The following P3H2 variants were observed in gnomAD, a reference collection of about 807,000 sequenced individuals.
The protein encoded by P3H2 is leprecan-like 1.
P3H2 carries 80 observed loss-of-function variants against 87.0 expected under a neutral mutation model. The ratio of observed to expected loss-of-function variants is 0.92; its 90% CI spans 0.77 to 1.11. The LOEUF (loss-of-function observed/expected upper bound fraction) is 1.11. Among genes scored for constraint, P3H2 ranks in the 50% least tolerant of loss-of-function variants. The pLI is 0.00. For synonymous variants in P3H2, 367 were observed against 359.3 expected (o/e 1.02, Z -0.24); for missense variants, 1,001 against 923.9 (o/e 1.08, Z -1.08).
intron 1 of P3H2, among the ~76,000 whole-genome samples, chr3:190,114,067 G>C (rs1314172964): frequency 9.9e-6 from 1 of 101,434 alleles, no homozygotes; most frequent in Non-Finnish European, 1.9e-5. Flanking sequence ...GCGACAGAGT[G>C]AGACTCCGTC....
chr3:190,069,167 C>T (rs1726615353), intron 1 of P3H2, among the ~76,000 whole-genome samples: 1 of 152,140 alleles, frequency 6.6e-6, no homozygotes, highest in African/African-American at 2.4e-5. Flanking sequence ...TATCTATAGG[C>T]TCAGCTCCAG....
chr3:190,016,436 G>A (rs1289825640), intron 1 of P3H2, among the ~76,000 whole-genome samples: 3 of 151,942 alleles, frequency 2.0e-5, no homozygotes, highest in Non-Finnish European at 2.9e-5. Context: ...GTAGAGACAG[G>A]GTTTCACCAC....
rs116708729 is a variant in P3H2, at chr3:190,052,305, T to G, written c.481-56863A>C. On this transcript the variant is annotated intron_variant, in intron 1 of 14. Transcript: ENST00000319332. ...CCCTCCCTGGGTCCATATGTTCTAATTTTTCAGCTCCCACTTATGAGTGAG... is the reference window on the plus strand; with the variant it reads ...CCCTCCCTGGGTCCATATGTTCTAAGTTTTCAGCTCCCACTTATGAGTGAG... Among the ~76,000 whole-genome samples the G allele has an allele frequency of 2.7e-3, 417 of 152,234 alleles. 3 individuals are homozygous for G. The highest frequency in any genetic ancestry group is 9.6e-3 in the African/African-American group (399 of 41,542).
At chr3:190,044,445 G>A (rs564782737) in intron 1 of P3H2, among the ~76,000 whole-genome samples, 1 of 152,198 alleles carries the variant, frequency 6.6e-6, no homozygotes. Flanking sequence ...TCGCTAGAAT[G>A]CAGTGCACAC....
At chr3:190,038,135 T>G (rs1725480724) in intron 1 of P3H2, among the ~76,000 whole-genome samples, 1 of 151,172 alleles carries the variant, frequency 6.6e-6, no homozygotes, top group East Asian at 1.9e-4. Context: ...TTTCACAAAA[T>G]GCTTATCTAC....
At chr3:190,108,090 A>C (rs950893941) in intron 1 of P3H2, among the ~76,000 whole-genome samples, 6 of 152,062 alleles carry the variant, frequency 3.9e-5, no homozygotes, top group African/African-American at 1.4e-4. Context: ...TACAGGCATG[A>C]GGCATTGTGC....
At chr3:190,103,474 T>C (rs1711713659) in intron 1 of P3H2, among the ~76,000 whole-genome samples, 1 of 152,206 alleles carries the variant, frequency 6.6e-6, no homozygotes, top group South Asian at 2.1e-4. Flanking sequence ...TTTCCATAAA[T>C]AACACATTAG....
chr3:190,027,624 C>T (rs1433597471), intron 1 of P3H2, among the ~76,000 whole-genome samples: 38 of 136,758 alleles, frequency 2.8e-4, no homozygotes, highest in African/African-American at 1.0e-3. Flanking sequence ...CGGTTTTTAC[C>T]TTTTTTTTTT....
intron 1 of P3H2, among the ~76,000 whole-genome samples, chr3:190,045,956 AAAAT>A: frequency 6.6e-6 from 1 of 151,874 alleles, no homozygotes; most frequent in East Asian, 1.9e-4. Context: ...CCCGTCTCTA[AAAAT>A]AAAAATACAA....
chr3:189,976,379 A>G (rs1723349766), intron 8 of P3H2, among the ~76,000 whole-genome samples: 1 of 152,222 alleles, frequency 6.6e-6, no homozygotes, highest in Non-Finnish European at 1.5e-5. Flanking sequence ...AAGGCAAAGA[A>G]GGAGAAAGTC....
intron 1 of P3H2, among the ~76,000 whole-genome samples, chr3:189,997,739 C>T (rs1404862072): frequency 6.6e-6 from 1 of 152,180 alleles, no homozygotes; most frequent in Non-Finnish European, 1.5e-5. Flanking sequence ...CAATTCTGTG[C>T]ACTCAGAATT....
chr3:190,053,857 C>G (rs1417035212), intron 1 of P3H2, among the ~76,000 whole-genome samples: 2 of 152,094 alleles, frequency 1.3e-5, no homozygotes, highest in Non-Finnish European at 2.9e-5. Flanking sequence ...CTAATCAAGA[C>G]GTATTTTTCA....
intron 1 of P3H2, among the ~76,000 whole-genome samples, chr3:190,013,971 T>C (rs1188961913): frequency 1.3e-5 from 2 of 152,188 alleles, no homozygotes; most frequent in Admixed American, 6.5e-5. Context: ...TTTCTTGATA[T>C]TTTTCCTGAA....
In P3H2 at chr3:190,090,441, C is replaced by T. The variant is rs192090797; in HGVS notation, c.480+29811G>A. On this transcript the variant is annotated intron_variant, in intron 1 of 14. Coordinates refer to ENST00000319332, the MANE Select transcript of P3H2 (RefSeq NM_018192.4). Reference sequence around the variant, plus strand: ...CCTATTGGCCGCGCACGGTGGCTCACGCCTGTAATCCCAGCACTTTGGGAG... The same window carrying T: ...CCTATTGGCCGCGCACGGTGGCTCATGCCTGTAATCCCAGCACTTTGGGAG... 1.8e-4 allele frequency among the ~76,000 whole-genome samples: 27 copies of T among 152,268 alleles called. No individual in the cohort carries two copies. In the East Asian group the frequency reaches 4.6e-3, roughly 26 times the overall value.
intron 1 of P3H2, among the ~76,000 whole-genome samples, chr3:190,048,797 G>GA (rs1163150802): frequency 4.6e-5 from 7 of 152,042 alleles, no homozygotes; most frequent in Admixed American, 3.9e-4. Flanking sequence ...ATTCACAAGT[G>GA]AAAAAATAAA....
At chr3:189,986,387 C>A (rs1723697880) in intron 6 of P3H2, among the ~76,000 whole-genome samples, 1 of 152,058 alleles carries the variant, frequency 6.6e-6, no homozygotes, top group African/African-American at 2.4e-5. Flanking sequence ...GAGTCCGAGA[C>A]TAGCCTGACC....
At chr3:189,987,393 C>T (rs921689584) in intron 5 of P3H2, 134 bp downstream of exon 5, 9 of 932,804 alleles carry the variant, frequency 9.6e-6, no homozygotes, top group East Asian at 5.6e-5. Context: ...GCAGGAGAAT[C>T]GCTTGAACCC....
intron 13 of P3H2, chr3:189,969,140 T>C (rs1261527783): frequency 8.6e-6 from 5 of 582,866 alleles, no homozygotes; most frequent in Non-Finnish European, 1.6e-5. Context: ...TTACTAGCAT[T>C]TTCTTTCGGG....
chr3:190,055,614 G>A (rs1726129527), intron 1 of P3H2, among the ~76,000 whole-genome samples: 1 of 151,432 alleles, frequency 6.6e-6, no homozygotes, highest in African/African-American at 2.4e-5. Context: ...GTCAGGCAAT[G>A]GCCATAGTTA....
Sources: allele counts gnomAD v4.1 joint callset (sites outside exome capture counted in the v4.1 genomes callset), GRCh38; gene constraint gnomAD v4.1.1; transcripts MANE v1.5; gene names NCBI Gene and HGNC (gene_info 2026-07-23, HGNC 2026-07-21).